The following BLTP3B variants were observed in gnomAD, a reference collection of about 807,000 sequenced individuals.
BLTP3B encodes bridge-like lipid transfer protein family member 3B, also known as UHRF1 (ICBP90) binding protein 1-like.
At chr12:100,140,118 A>T in the BLTP3B span, among the ~76,000 whole-genome samples, 1 of 152,236 alleles carries the variant, frequency 6.6e-6, no homozygotes, top group Admixed American at 6.5e-5. Flanking sequence ...TCAAAAGTTC[A>T]TTCCTTCCTG....
the BLTP3B span, among the ~76,000 whole-genome samples, chr12:100,071,115 C>T: frequency 3.3e-5 from 5 of 152,252 alleles, no homozygotes; most frequent in South Asian, 4.1e-4. Context: ...GATAACAAAA[C>T]CTATTTCATC....
chr12:100,105,358 A>C, the BLTP3B span, among the ~76,000 whole-genome samples: 1 of 151,542 alleles, frequency 6.6e-6, no homozygotes, highest in Non-Finnish European at 1.5e-5. Context: ...GGCCAATGGA[A>C]CAGAATAGAG....
chr12:100,100,588 T>G, the BLTP3B span, among the ~76,000 whole-genome samples: 1 of 152,108 alleles, frequency 6.6e-6, no homozygotes, highest in Non-Finnish European at 1.5e-5. Context: ...GGCTTGCACC[T>G]GTAGTCCCAA....
the BLTP3B span, among the ~76,000 whole-genome samples, chr12:100,135,260 C>T: frequency 4.1e-5 from 6 of 144,698 alleles, no homozygotes; most frequent in Non-Finnish European, 8.9e-5. Context: ...TCAAATATTG[C>T]TTTCTTTTTT....
chr12:100,073,066 T>G, the BLTP3B span, among the ~76,000 whole-genome samples: 13 of 152,192 alleles, frequency 8.5e-5, no homozygotes, highest in African/African-American at 2.9e-4. Flanking sequence ...CCTTACAAAC[T>G]TATTATTGTG....
At chr12:100,121,949 CAT>C in the BLTP3B span, among the ~76,000 whole-genome samples, 3 of 151,480 alleles carry the variant, frequency 2.0e-5, no homozygotes, top group East Asian at 3.9e-4. Flanking sequence ...TATACACACA[CAT>C]ATATGTGTAT....
At chr12:100,042,424 A>C in the BLTP3B span, among the ~76,000 whole-genome samples, 1 of 152,254 alleles carries the variant, frequency 6.6e-6, no homozygotes, top group African/African-American at 2.4e-5. Flanking sequence ...GGTAGTATCA[A>C]AGACAGACAT....
At chr12:100,098,249 GAA>G in the BLTP3B span, 1 of 1,297,514 alleles carries the variant, frequency 7.7e-7, no homozygotes, top group African/African-American at 1.5e-5. Flanking sequence ...GTAATACAGA[GAA>G]AAGCAAAGTT....
the BLTP3B span, chr12:100,095,842 A>C: frequency 6.4e-7 from 1 of 1,570,106 alleles, no homozygotes; most frequent in Non-Finnish European, 8.6e-7. Context: ...CTTTAACTGT[A>C]GGAAAAAAAA....
chr12:100,088,959 T>A, the BLTP3B span: 3 of 1,609,000 alleles, frequency 1.9e-6, no homozygotes, highest in African/African-American at 4.0e-5. Flanking sequence ...TAGATCTAGA[T>A]GAGAAATCAC....
the BLTP3B span, among the ~76,000 whole-genome samples, chr12:100,101,238 A>G: frequency 6.6e-6 from 1 of 152,198 alleles, no homozygotes; most frequent in Non-Finnish European, 1.5e-5. Context: ...TAAACTGCAC[A>G]TCTGATAAAC....
At chr12:100,126,956 A>G in the BLTP3B span, among the ~76,000 whole-genome samples, 2 of 152,190 alleles carry the variant, frequency 1.3e-5, no homozygotes, top group African/African-American at 4.8e-5. Context: ...AAGAAGAAAA[A>G]GGAATGAATC....
the BLTP3B span, chr12:100,072,801 C>G: frequency 1.9e-6 from 3 of 1,594,444 alleles, no homozygotes; most frequent in South Asian, 3.5e-5. Flanking sequence ...CGACATTGTT[C>G]CGCTGTAGAG....
chr12:100,082,917 A>G, the BLTP3B span: 3 of 850,604 alleles, frequency 3.5e-6, no homozygotes, highest in African/African-American at 1.7e-5. Flanking sequence ...TAAACCTTGT[A>G]AAGATTTTTT....
the BLTP3B span, among the ~76,000 whole-genome samples, chr12:100,136,816 T>A: frequency 2.0e-5 from 3 of 152,128 alleles, no homozygotes; most frequent in Non-Finnish European, 4.4e-5. Flanking sequence ...TTTTCTTTTT[T>A]TTTATTTTTT....
the BLTP3B span, among the ~76,000 whole-genome samples, chr12:100,083,379 C>T: frequency 7.3e-5 from 11 of 151,692 alleles, no homozygotes; most frequent in Non-Finnish European, 1.5e-4. Context: ...TGGAATGGGA[C>T]TCTTGTTAAA....
the BLTP3B span, among the ~76,000 whole-genome samples, chr12:100,052,491 A>G: frequency 1.3e-5 from 2 of 152,184 alleles, no homozygotes; most frequent in South Asian, 4.1e-4. Flanking sequence ...TTAAAATTAA[A>G]AATAATAAAA....
the BLTP3B span, among the ~76,000 whole-genome samples, chr12:100,133,309 C>A: frequency 1.3e-5 from 2 of 152,112 alleles, no homozygotes; most frequent in Non-Finnish European, 2.9e-5. Context: ...GCCCCATAAT[C>A]TTTTATAGCA....
the BLTP3B span, among the ~76,000 whole-genome samples, chr12:100,091,904 GT>G: frequency 6.6e-6 from 1 of 151,500 alleles, no homozygotes; most frequent in Non-Finnish European, 1.5e-5. Context: ...CACCTCCCAG[GT>G]TTGAGAGACT....
Sources: gnomAD v4.1 joint callset for allele counts (sites outside exome capture counted in the v4.1 genomes callset) on GRCh38, gnomAD v4.1.1 for gene constraint, MANE v1.5 for transcripts, NCBI Gene and HGNC (gene_info 2026-07-23, HGNC 2026-07-21) for gene names.